DBF4: variants seen among roughly 807,000 people sequenced by gnomAD.
The protein encoded by DBF4 is protein DBF4 homolog A.
Under a neutral mutation model 76.6 loss-of-function variants are expected in DBF4, and 25 were observed. The ratio of observed to expected loss-of-function variants is 0.33; its 90% confidence interval spans 0.24 to 0.46. The LOEUF (loss-of-function observed/expected upper bound fraction) is 0.46, where lower values mean the gene tolerates loss of function less well. Ranked by LOEUF, DBF4 falls within the 20% of genes least tolerant of loss-of-function variation. DBF4 has a pLI of 1.00. For synonymous variants in DBF4, 213 were observed against 258.0 expected (o/e 0.83, Z 1.67); for missense variants, 638 against 760.8 (o/e 0.84, Z 1.90).
chr7:87,896,375 T>C, intron 6 of DBF4, 99 bp from the exon 7 acceptor site: 1 of 917,956 alleles, frequency 1.1e-6, no homozygotes, highest in Non-Finnish European at 1.7e-6. Context: ...TATAGCACTT[T>C]TCTGCATGAT....
At chr7:87,904,174 G>T in intron 10 of DBF4, 118 bp from the exon 11 acceptor site, 2 of 964,192 alleles carry the variant, frequency 2.1e-6, no homozygotes, top group Non-Finnish European at 3.0e-6. Flanking sequence ...TATTATCTTT[G>T]GAGTAGTTAT....
chr7:87,899,636 T>C (rs979056277), intron 8 of DBF4, among the ~76,000 whole-genome samples: 6 of 152,206 alleles, frequency 3.9e-5, no homozygotes, highest in African/African-American at 1.4e-4. Context: ...AGCAAATTAA[T>C]GGATAAACAG....
chr7:87,876,787 C>A lies in DBF4; in HGVS notation c.46+9C>A. The A allele has an allele frequency of 6.2e-7, 1 of 1,614,014 alleles. No individual in the cohort carries two copies. On this transcript the variant is annotated intron_variant, in intron 1 of 11. Transcript: ENST00000265728. ...TAAAGGACATTTCCAGGGTAAGAAGCCCCTCCTCCGCCTGCAGTCCCTTTA... is the reference window on the plus strand; with the variant it reads ...TAAAGGACATTTCCAGGGTAAGAAGACCCTCCTCCGCCTGCAGTCCCTTTA...
chr7:87,888,421 G>C, intron 6 of DBF4: 1 of 681,000 alleles, frequency 1.5e-6, no homozygotes, highest in Non-Finnish European at 1.8e-6. Context: ...CTTTTCAACT[G>C]CTCTAAATGG....
Position 87,888,072 on chromosome 7 carries a change from T to C in DBF4, c.597+13T>C, listed in dbSNP as rs1364737967. 1.3e-6 allele frequency: 2 copies of C among 1,541,798 alleles called. No homozygotes were observed. Among genetic ancestry groups the C allele is most frequent in the Non-Finnish European group, 1.7e-6 (2 of 1,151,052 alleles). On this transcript the variant is annotated intron_variant, in intron 6 of 11. Transcript: ENST00000265728. ...AGTAAGAGATGGGGTATGTTTTCTT[T>C]TTCAATTTTTAAAGTGACCAAGCTT...
chr7:87,900,740 T>G (rs777311119), intron 9 of DBF4, 24 bp from the exon 10 acceptor site: 1 of 1,583,436 alleles, frequency 6.3e-7, no homozygotes, highest in Non-Finnish European at 8.6e-7. Context: ...CAGTTAATTC[T>G]TTACCATGTA....
At position 87,897,400 on chromosome 7, in the gene DBF4, A is replaced by C. The variant is rs1479590611; in HGVS notation, c.680+61A>C. ...CAATACTAAAGAGGAAAATCACCTA[A>C]CTAATTAGGCTAGCTCGATTAGTAC... On this transcript the variant is annotated intron_variant, in intron 8 of 11. Transcript: ENST00000265728. The C allele has an allele frequency of 2.0e-6, 3 of 1,493,610 alleles. No individual in the cohort carries two copies. The East Asian group carries it at 6.8e-5, about 34-fold the overall frequency. 92.5% of individuals were successfully genotyped at this position (1,493,610 alleles called of 1,614,324 possible). A position where few individuals can be genotyped will look rare whatever the true frequency, so the allele number is the denominator to read the frequency against.
chr7:87,906,126 C>A (rs1297385541), intron 11 of DBF4, among the ~76,000 whole-genome samples: 1 of 151,770 alleles, frequency 6.6e-6, no homozygotes, highest in African/African-American at 2.4e-5. Context: ...CCACTGCACT[C>A]CAGCCTGGTT....
chr7:87,909,449 C>T lies in DBF4; in HGVS notation c.*1286C>T, dbSNP rs761224900. The T allele has an allele frequency of 6.6e-6, 1 of 152,146 alleles. No individual in the cohort carries two copies. The highest frequency in any genetic ancestry group is 1.5e-5 in the Non-Finnish European group (1 of 68,024). 9.4% of individuals were successfully genotyped at this position (152,146 alleles called of 1,614,324 possible). A position where few individuals can be genotyped will look rare whatever the true frequency, so the allele number is the denominator to read the frequency against. On this transcript the variant is annotated 3_prime_UTR_variant, in exon 12 of 12. Transcript: ENST00000265728. ...CTTTTCCTGCATACATTATTTTGATCATTTGGATAACATCAATGAACACTG... is the reference window on the plus strand; with the variant it reads ...CTTTTCCTGCATACATTATTTTGATTATTTGGATAACATCAATGAACACTG...
At chr7:87,900,142 T>A in intron 8 of DBF4, 79 bp from the exon 9 acceptor site, 3 of 1,212,360 alleles carry the variant, frequency 2.5e-6, no homozygotes, top group Non-Finnish European at 3.5e-6. Context: ...CTTAATTATA[T>A]GATTTTGAAA....
At chr7:87,894,325 T>C (rs551911871) in intron 6 of DBF4, among the ~76,000 whole-genome samples, 2 of 152,074 alleles carry the variant, frequency 1.3e-5, no homozygotes, top group South Asian at 4.1e-4. Flanking sequence ...CCAGGCCTGG[T>C]GGCATGCGCC....
At chr7:87,904,925 C>T (rs1032010666) in intron 11 of DBF4, among the ~76,000 whole-genome samples, 8 of 152,028 alleles carry the variant, frequency 5.3e-5, no homozygotes, top group Non-Finnish European at 1.0e-4. Context: ...TTTAAATTTT[C>T]TTTTTATGTA....
At chr7:87,899,291 G>A (rs79885522) in intron 8 of DBF4, among the ~76,000 whole-genome samples, 7,434 of 152,168 alleles carry the variant, frequency 0.049, 277 homozygotes, top group East Asian at 0.092. Flanking sequence ...AAAGGCAACC[G>A]AAAGGATGGA....
At chr7:87,878,255 G>T in intron 2 of DBF4, 30 bp downstream of exon 2, 1 of 1,545,800 alleles carries the variant, frequency 6.5e-7, no homozygotes, top group Non-Finnish European at 8.7e-7. Context: ...TGGCATAGAA[G>T]GAAAAATTTG....
At position 87,876,684 on chromosome 7, in the gene DBF4, C is replaced by G. The variant is rs770969977; in HGVS notation, c.-49C>G. The G allele has an allele frequency of 6.2e-7, 1 of 1,609,346 alleles. No homozygotes were observed. The highest frequency in any genetic ancestry group is 8.5e-7 in the Non-Finnish European group (1 of 1,177,614). On this transcript the variant is annotated 5_prime_UTR_variant, in exon 1 of 12. Coordinates refer to ENST00000265728, the MANE Select transcript of DBF4 (RefSeq NM_006716.4). ...GGGAAGCCGTGCTTTCGCGGCTGCC[C>G]GGTGCGACACTTTCTCCGGACCCAG...
At chr7:87,904,501 A>C (rs1839868007) in intron 11 of DBF4, 85 bp downstream of exon 11, 1 of 1,461,054 alleles carries the variant, frequency 6.8e-7, no homozygotes, top group Non-Finnish European at 9.2e-7. Flanking sequence ...GCACTTTGGG[A>C]GGCTGAGGCA....
intron 1 of DBF4, among the ~76,000 whole-genome samples, chr7:87,877,556 A>G (rs566806111): frequency 6.6e-6 from 1 of 152,352 alleles, no homozygotes; most frequent in African/African-American, 2.4e-5. Context: ...TGTATGTGAA[A>G]TGGACCGTTT....
intron 6 of DBF4, among the ~76,000 whole-genome samples, chr7:87,890,841 C>A (rs1694335827): frequency 6.6e-6 from 1 of 152,122 alleles, no homozygotes. Flanking sequence ...TGAAACAGAT[C>A]TTAATCTTTC....
At chr7:87,891,040 G>A (rs756729250) in intron 6 of DBF4, among the ~76,000 whole-genome samples, 6 of 152,012 alleles carry the variant, frequency 3.9e-5, no homozygotes, top group African/African-American at 1.2e-4. Flanking sequence ...GAATGGACAT[G>A]TATAAATTTC....
Sources: allele counts gnomAD v4.1 joint callset (sites outside exome capture counted in the v4.1 genomes callset), GRCh38; gene constraint gnomAD v4.1.1; transcripts MANE v1.5; gene names NCBI Gene and HGNC (gene_info 2026-07-23, HGNC 2026-07-21).